Variants in TNFAIP8 observed in about 807,000 individuals in gnomAD.
TNFAIP8 encodes the protein tumor necrosis factor alpha-induced protein 8.
TNFAIP8 carries 7 observed loss-of-function variants against 13.3 expected under a neutral mutation model. The observed-to-expected ratio is 0.52, with a 90% CI of 0.30 to 0.99. The LOEUF is 0.99. Ranked by LOEUF, TNFAIP8 falls within the 50% of genes least tolerant of loss-of-function variation. TNFAIP8 has a pLI of 0.07. For missense variants in TNFAIP8, 258 were observed against 236.9 expected (o/e 1.09, Z -0.58); for synonymous variants, 94 against 87.6 (o/e 1.07, Z -0.41).
At chr5:119,368,232 T>G (rs1751937741) in intron 1 of TNFAIP8, among the ~76,000 whole-genome samples, 1 of 152,234 alleles carries the variant, frequency 6.6e-6, no homozygotes, top group South Asian at 2.1e-4. Flanking sequence ...ACTTAGCAAC[T>G]TGGGAAGAAT....
intron 1 of TNFAIP8, among the ~76,000 whole-genome samples, chr5:119,305,387 GAA>G (rs1208857963): frequency 3.3e-5 from 5 of 152,146 alleles, no homozygotes; most frequent in Admixed American, 3.3e-4. Context: ...TTTAATCTGA[GAA>G]TATGTAGATG....
chr5:119,295,040 C>G (rs1345445874), intron 1 of TNFAIP8, among the ~76,000 whole-genome samples: 1 of 151,874 alleles, frequency 6.6e-6, no homozygotes, highest in Non-Finnish European at 1.5e-5. Flanking sequence ...AAGCTCTTTA[C>G]TTTAATTAGA....
At chr5:119,271,073 G>A (rs987509467) in intron 1 of TNFAIP8, among the ~76,000 whole-genome samples, 5 of 152,180 alleles carry the variant, frequency 3.3e-5, no homozygotes, top group African/African-American at 4.8e-5. Context: ...TTGAGCTGTC[G>A]TGAGGACAGG....
chr5:119,356,365 T>G (rs903383929), intron 1 of TNFAIP8, among the ~76,000 whole-genome samples: 2 of 151,900 alleles, frequency 1.3e-5, no homozygotes, highest in Middle Eastern at 3.2e-3. Flanking sequence ...GCCAGCCCAC[T>G]AAGTCTGCTT....
chr5:119,373,215 C>T (rs535630176), intron 1 of TNFAIP8, among the ~76,000 whole-genome samples: 39 of 152,154 alleles, frequency 2.6e-4, no homozygotes, highest in African/African-American at 8.7e-4. Flanking sequence ...TAAAAACTGC[C>T]GTATGTGGGA....
chr5:119,378,799 C>T (rs1018857769), intron 1 of TNFAIP8, among the ~76,000 whole-genome samples: 10 of 152,180 alleles, frequency 6.6e-5, no homozygotes, highest in African/African-American at 9.7e-5. Flanking sequence ...GGTGGCTGGG[C>T]GCAGTGGTTC....
At position 119,392,875 on chromosome 5, in the gene TNFAIP8, G is replaced by A; in HGVS notation, c.91G>A (p.Gly31Ser). 6.4e-7 allele frequency: 1 copy of A among 1,573,226 alleles called. No homozygotes were observed. The highest frequency in any genetic ancestry group is 2.4e-5 in the East Asian group (1 of 42,522). Residue 31 changes from glycine (G) to serine (S), a missense_variant, in exon 2 of 2, where the codon GGT (glycine) becomes AGT (serine). Transcript: ENST00000504771. Reference protein sequence around the residue: ...LAVQAQKKILGKMVSKSIATT... With the variant: ...LAVQAQKKILSKMVSKSIATT... ...CGTTCAGGCACAAAAGAAGATCTTG[G>A]GTAAAATGGTGTCCAAATCCATCGC...
intron 1 of TNFAIP8, among the ~76,000 whole-genome samples, chr5:119,319,729 G>A (rs79977538): frequency 0.016 from 2,428 of 152,252 alleles, 70 homozygotes; most frequent in African/African-American, 0.056. Context: ...ATGCTTGACA[G>A]TACCTTCTTT....
rs3839241 is a variant in TNFAIP8, at chr5:119,393,923, GA to G, written c.*552del. 3.7e-3 allele frequency: 549 copies of G among 149,114 alleles called. 7 individuals carry two copies. Among genetic ancestry groups the G allele is most frequent in the East Asian group, 0.028 (145 of 5,114 alleles). The allele number at this position is 149,114 out of a possible 1,614,324, so 9.2% of individuals were successfully genotyped here. On this transcript the variant is annotated 3_prime_UTR_variant, in exon 2 of 2. Coordinates refer to ENST00000504771, the MANE Select transcript of TNFAIP8 (RefSeq NM_014350.4). The stretch of plus-strand genomic sequence containing the variant: ...TAAGTCTGAGGTAGTCAACCCTCAG[GA>G]AAAAAAAAATGGCTTATCTGAAATC...
chr5:119,270,258 A>G (rs1376305787), intron 1 of TNFAIP8, among the ~76,000 whole-genome samples: 1 of 152,258 alleles, frequency 6.6e-6, no homozygotes, highest in Non-Finnish European at 1.5e-5. Context: ...TATTACACAG[A>G]AGTGTTTCCA....
intron 1 of TNFAIP8, among the ~76,000 whole-genome samples, chr5:119,282,260 A>G (rs191328909): frequency 6.9e-6 from 1 of 145,408 alleles, no homozygotes; most frequent in East Asian, 2.1e-4. Flanking sequence ...TCTTTGTAAC[A>G]TCTGCTGGAC....
chr5:119,340,633 T>C (rs533079576), intron 1 of TNFAIP8, among the ~76,000 whole-genome samples: 4 of 151,976 alleles, frequency 2.6e-5, no homozygotes, highest in African/African-American at 7.3e-5. Flanking sequence ...TCTTGGGTTC[T>C]GGGCAGGGTG....
At chr5:119,372,238 C>T (rs1452893156) in intron 1 of TNFAIP8, among the ~76,000 whole-genome samples, 2 of 150,334 alleles carry the variant, frequency 1.3e-5, no homozygotes, top group African/African-American at 4.9e-5. Context: ...TGAGGTGGAT[C>T]ACCTAAGCCT....
upstream of TNFAIP8, among the ~76,000 whole-genome samples, chr5:119,354,141 T>A (rs963904188): frequency 6.6e-6 from 1 of 152,168 alleles, no homozygotes; most frequent in Non-Finnish European, 1.5e-5. Flanking sequence ...TATCTCCCCA[T>A]AAGTCTGAGA....
At chr5:119,284,960 A>T (rs946911051) in intron 1 of TNFAIP8, among the ~76,000 whole-genome samples, 22 of 152,194 alleles carry the variant, frequency 1.4e-4, no homozygotes, top group Non-Finnish European at 3.2e-4. Flanking sequence ...TCTAAAAATA[A>T]CGTTTTTGAA....
At chr5:119,299,843 C>T (rs1230571720) in intron 1 of TNFAIP8, among the ~76,000 whole-genome samples, 5 of 152,246 alleles carry the variant, frequency 3.3e-5, no homozygotes, top group Non-Finnish European at 7.3e-5. Flanking sequence ...CTCGCTGCTG[C>T]CTTGCAGTTT....
intron 1 of TNFAIP8, among the ~76,000 whole-genome samples, chr5:119,342,614 C>G (rs1750775673): frequency 6.6e-6 from 1 of 152,220 alleles, no homozygotes; most frequent in African/African-American, 2.4e-5. Context: ...TCTCTGCTTT[C>G]TCAACACCAG....
At chr5:119,294,829 T>C (rs1176201800) in intron 1 of TNFAIP8, among the ~76,000 whole-genome samples, 1 of 152,138 alleles carries the variant, frequency 6.6e-6, no homozygotes, top group African/African-American at 2.4e-5. Context: ...TTTGGCTGCA[T>C]AAATGTCTTC....
chr5:119,319,338 G>T (rs1028678625), intron 1 of TNFAIP8, among the ~76,000 whole-genome samples: 2 of 152,200 alleles, frequency 1.3e-5, no homozygotes, highest in Admixed American at 6.5e-5. Flanking sequence ...TTTTTCTTCT[G>T]GCTTTGGAGT....
Sources: gnomAD v4.1 joint callset for allele counts (sites outside exome capture counted in the v4.1 genomes callset) on GRCh38, gnomAD v4.1.1 for gene constraint, MANE v1.5 for transcripts, NCBI Gene and HGNC (gene_info 2026-07-23, HGNC 2026-07-21) for gene names.